Variants in PTPN14 observed in about 807,000 individuals in gnomAD.
PTPN14 encodes protein tyrosine phosphatase non-receptor type 14, also known as tyrosine-protein phosphatase non-receptor type 14.
A neutral mutation model predicts 126.8 loss-of-function variants in PTPN14; 53 were observed. That is an observed-to-expected ratio of 0.42 (90% CI 0.34 to 0.53). The LOEUF is 0.53. PTPN14 is among the 20% of genes least tolerant of loss of function. The pLI is 0.08. For missense variants in PTPN14, 1,257 were observed against 1,552.9 expected (o/e 0.81, Z 3.20); for synonymous variants, 630 against 599.3 (o/e 1.05, Z -0.75).
At chr1:214,462,876 T>A (rs1213524055) in intron 2 of PTPN14, among the ~76,000 whole-genome samples, 2 of 152,226 alleles carry the variant, frequency 1.3e-5, no homozygotes, top group Non-Finnish European at 2.9e-5. Context: ...TTAAGTTGTT[T>A]ATTAAGACTC....
chr1:214,430,494 T>C (rs1659775031), intron 3 of PTPN14, among the ~76,000 whole-genome samples: 1 of 152,190 alleles, frequency 6.6e-6, no homozygotes, highest in African/African-American at 2.4e-5. Context: ...TCAGTAGACT[T>C]TGAGTAAAGC....
At chr1:214,521,265 G>T (rs190827697) in intron 1 of PTPN14, among the ~76,000 whole-genome samples, 1 of 152,252 alleles carries the variant, frequency 6.6e-6, no homozygotes, top group Admixed American at 6.5e-5. Context: ...GTACTTGACG[G>T]CCCCTTAGTT....
chr1:214,534,712 C>CAATAAATA (rs138500520), intron 1 of PTPN14, among the ~76,000 whole-genome samples: 25,005 of 141,536 alleles, frequency 0.18, 2,548 homozygotes, highest in East Asian at 0.37. Context: ...GACTCCTTCT[C>CAATAAATA]AATAAATAAA....
intron 3 of PTPN14, among the ~76,000 whole-genome samples, chr1:214,430,971 T>A (rs1659784039): frequency 6.6e-6 from 1 of 152,106 alleles, no homozygotes; most frequent in Non-Finnish European, 1.5e-5. Context: ...ATAATTAATG[T>A]GTTGAATGAA....
chr1:214,510,155 T>C (rs1458552530), intron 1 of PTPN14, among the ~76,000 whole-genome samples: 1 of 152,198 alleles, frequency 6.6e-6, no homozygotes, highest in Non-Finnish European at 1.5e-5. Context: ...AGGGAGTGGC[T>C]GGGCCATAGA....
chr1:214,430,363 G>C (rs1167828803), intron 3 of PTPN14, among the ~76,000 whole-genome samples: 1 of 152,126 alleles, frequency 6.6e-6, no homozygotes, highest in East Asian at 1.9e-4. Flanking sequence ...CAATTCCAGG[G>C]ACATCTCTTG....
At chr1:214,547,689 T>C (rs530336137) in intron 1 of PTPN14, among the ~76,000 whole-genome samples, 14 of 152,262 alleles carry the variant, frequency 9.2e-5, no homozygotes, top group Non-Finnish European at 1.5e-4. Context: ...TCAACTAGAT[T>C]TCAACATTAG....
intron 1 of PTPN14, among the ~76,000 whole-genome samples, chr1:214,470,821 C>T (rs1292229959): frequency 6.8e-6 from 1 of 147,542 alleles, no homozygotes; most frequent in African/African-American, 2.5e-5. Flanking sequence ...AGTGCCCAAC[C>T]GGGCCAACAT....
chr1:214,501,712 G>A (rs550525372), intron 1 of PTPN14, among the ~76,000 whole-genome samples: 3 of 152,154 alleles, frequency 2.0e-5, no homozygotes, highest in South Asian at 2.1e-4. Flanking sequence ...ATCACCAGGC[G>A]TAGTATAGAG....
intron 3 of PTPN14, among the ~76,000 whole-genome samples, chr1:214,426,434 A>T (rs886987503): frequency 1.3e-5 from 2 of 152,136 alleles, no homozygotes; most frequent in Non-Finnish European, 2.9e-5. Context: ...TTCTTCTTTT[A>T]GAGTTTTAGT....
intron 3 of PTPN14, among the ~76,000 whole-genome samples, chr1:214,415,523 T>G (rs907958048): frequency 2.0e-5 from 3 of 152,262 alleles, no homozygotes; most frequent in Non-Finnish European, 4.4e-5. Flanking sequence ...CATTAATTCC[T>G]GGTAAATGCT....
rs568145111 is a variant in PTPN14, at chr1:214,376,858, C to T, written c.2689-421G>A. Among the ~76,000 whole-genome samples, 254 of 152,294 alleles carry T rather than the reference C, an allele frequency of 1.7e-3. 1 individual carries two copies. Among genetic ancestry groups the T allele is most frequent in the African/African-American group, 5.8e-3 (240 of 41,564 alleles). Reference sequence around the variant, plus strand: ...TCTTTTTTCCTCCTTCCTGGCCAAACTACTAATTCCAATAACATGGTATTA... The same window carrying T: ...TCTTTTTTCCTCCTTCCTGGCCAAATTACTAATTCCAATAACATGGTATTA... On this transcript the variant is annotated intron_variant, in intron 14 of 18. Transcript: ENST00000366956.
At position 214,464,622 on chromosome 1, in the gene PTPN14, C is replaced by T; in HGVS notation, c.174+8G>A. ...GCGCACATGCGCACACAGACACACC[C>T]CTCTTACCTCTCGCAGCTCCAGCCT... On this transcript the variant is annotated splice_region_variant and intron_variant, in intron 2 of 18. Transcript: ENST00000366956. The T allele has an allele frequency of 6.2e-7, 1 of 1,613,832 alleles. No homozygotes were observed. The highest frequency in any genetic ancestry group is 8.5e-7 in the Non-Finnish European group (1 of 1,179,698).
rs930650455 is a variant in PTPN14 at position 214,383,482 on chromosome 1, C to T, written c.2373G>A (p.Met791Ile). 2 of 1,614,230 alleles carry T rather than the reference C, an allele frequency of 1.2e-6. No homozygotes were observed. The highest frequency in any genetic ancestry group is 1.7e-6 in the Non-Finnish European group (2 of 1,180,046). Reference protein sequence around the residue: ...LRHGPAKAISMSRTDPPAVNG... With the variant: ...LRHGPAKAISISRTDPPAVNG... ...TGACAGCCGGCGGGTCAGTCCGAGACATGCTGATGGCCTTGGCTGGCCCAT... is the reference window on the plus strand; with the variant it reads ...TGACAGCCGGCGGGTCAGTCCGAGATATGCTGATGGCCTTGGCTGGCCCAT... The change falls in exon 13 of 19, where the codon ATG becomes ATA. Residue 791 changes from methionine to isoleucine, a missense_variant. By Grantham distance (10) the Met-to-Ile change is conservative. Around this residue, in one of 3 missense-constraint regions of PTPN14, gnomAD observed 1,021 missense variants for 1,183.3 expected, o/e 0.86. Transcript: ENST00000366956. The surrounding 1 kb of genome is among the most constrained non-coding windows in gnomAD (Gnocchi z 4.4).
At position 214,351,351 on chromosome 1, in the gene PTPN14, T is replaced by C. The variant is rs1657705937; in HGVS notation, c.*6571A>G. 1 of 145,376 alleles carries C rather than the reference T, an allele frequency of 6.9e-6. No individual in the cohort carries two copies. The highest frequency in any genetic ancestry group is 2.0e-4 in the East Asian group (1 of 5,000). 9.0% of individuals were successfully genotyped at this position (145,376 alleles called of 1,614,324 possible). A position where few individuals can be genotyped will look rare whatever the true frequency, so the allele number is the denominator to read the frequency against. On this transcript the variant is annotated 3_prime_UTR_variant, in exon 19 of 19. Transcript: ENST00000366956. ...GGCAGCAGACCCTAAGTGAACAAGG[T>C]GCTCATGGAATGAAGAGGGTGACAG...
chr1:214,512,463 T>C (rs1655001309), intron 1 of PTPN14, among the ~76,000 whole-genome samples: 1 of 152,144 alleles, frequency 6.6e-6, no homozygotes, highest in African/African-American at 2.4e-5. Flanking sequence ...AAAGCCACAT[T>C]CTGTATGATT....
chr1:214,498,815 GT>G (rs1308148837), intron 1 of PTPN14, among the ~76,000 whole-genome samples: 1 of 151,866 alleles, frequency 6.6e-6, no homozygotes, highest in Non-Finnish European at 1.5e-5. Context: ...CGAGATCCTT[GT>G]TCTGATTTAA....
At position 214,351,995 on chromosome 1, in the gene PTPN14, G is replaced by T. The variant is rs1278238821; in HGVS notation, c.*5927C>A. ...GGCACTTCTGGGAAAGAATGATCCT[G>T]ATGGCCCAAAGTGTGGCAGAAGGAG... On this transcript the variant is annotated 3_prime_UTR_variant, in exon 19 of 19. Coordinates refer to ENST00000366956, the MANE Select transcript of PTPN14 (RefSeq NM_005401.5). 1 of 152,208 alleles carries T rather than the reference G, an allele frequency of 6.6e-6. No individual in the cohort carries two copies. Among genetic ancestry groups the T allele is most frequent in the African/African-American group, 2.4e-5 (1 of 41,448 alleles). 9.4% of individuals were successfully genotyped at this position (152,208 alleles called of 1,614,324 possible).
chr1:214,431,331 C>G (rs1193332209), intron 3 of PTPN14, among the ~76,000 whole-genome samples: 2 of 152,196 alleles, frequency 1.3e-5, no homozygotes, highest in East Asian at 3.9e-4. Flanking sequence ...ATGGGTGGTA[C>G]AGATACAAAT....
Sources: allele counts gnomAD v4.1 joint callset (sites outside exome capture counted in the v4.1 genomes callset), GRCh38; gene constraint gnomAD v4.1.1; regional missense constraint gnomAD v4.1.1; non-coding constraint Gnocchi (gnomAD v3.1); transcripts MANE v1.5; gene names NCBI Gene and HGNC (gene_info 2026-07-23, HGNC 2026-07-21).